The following ACVR1B variants were observed in gnomAD, a reference collection of about 807,000 sequenced individuals.
The protein encoded by ACVR1B is activin receptor type-1B.
Under a neutral mutation model 55.6 loss-of-function variants are expected in ACVR1B, and 15 were observed. That is an observed-to-expected ratio of 0.27 (90% CI 0.18 to 0.42). The LOEUF (loss-of-function observed/expected upper bound fraction) is 0.42. ACVR1B is among the 10% of genes least tolerant of loss of function. The pLI, the probability that ACVR1B is intolerant of heterozygous loss-of-function variation, is 1.00. For missense variants in ACVR1B, 359 were observed against 670.1 expected (o/e 0.54, Z 5.13); for synonymous variants, 247 against 254.6 (o/e 0.97, Z 0.28).
chr12:51,968,352 A>G (rs1326654471), intron 1 of ACVR1B, among the ~76,000 whole-genome samples: 1 of 152,266 alleles, frequency 6.6e-6, no homozygotes, highest in Non-Finnish European at 1.5e-5. Context: ...GTAAAGGTTT[A>G]AAACCAATCT....
chr12:51,988,719 CACATAACTATTTTAGTAA>C (rs1248537315), intron 7 of ACVR1B, among the ~76,000 whole-genome samples: 2 of 152,166 alleles, frequency 1.3e-5, no homozygotes, highest in Non-Finnish European at 2.9e-5. Context: ...TGTCTAAGGT[CACATAACTATTTTAGTAA>C]ACAAGGGTTC....
At chr12:51,974,169 C>T (rs1472454149) in intron 1 of ACVR1B, among the ~76,000 whole-genome samples, 1 of 152,118 alleles carries the variant, frequency 6.6e-6, no homozygotes, top group Non-Finnish European at 1.5e-5. Flanking sequence ...CCACCACCTC[C>T]ACCCGCCAAT....
intron 1 of ACVR1B, among the ~76,000 whole-genome samples, chr12:51,967,412 A>T (rs1319051413): frequency 1.3e-5 from 2 of 151,560 alleles, no homozygotes; most frequent in African/African-American, 4.9e-5. Context: ...TACAAAAATT[A>T]GTTGGGTGTG....
At chr12:51,986,714 G>A in intron 6 of ACVR1B, 104 bp from the exon 7 acceptor site, 1 of 1,471,868 alleles carries the variant, frequency 6.8e-7, no homozygotes, top group Non-Finnish European at 9.1e-7. Flanking sequence ...GACTTTATCA[G>A]GGTGATACTC....
chr12:51,959,271 CAG>C (rs1941470253), intron 1 of ACVR1B, among the ~76,000 whole-genome samples: 1 of 152,186 alleles, frequency 6.6e-6, no homozygotes, highest in Non-Finnish European at 1.5e-5. Context: ...CCTTTCAAAG[CAG>C]AGAGATTTCT....
At position 51,977,272 on chromosome 12, in the gene ACVR1B, C is replaced by T. The variant is rs1396621556; in HGVS notation, c.580+697C>T. Among the ~76,000 whole-genome samples, 4 of 152,172 alleles carry T rather than the reference C, an allele frequency of 2.6e-5. No individual in the cohort carries two copies. The East Asian group carries it at 7.7e-4, about 29-fold the overall frequency. ...TAGCTATTAAATGTGAACATGAATG[C>T]AAAAGAATTTTTTTACTTACTTATT... is the stretch of plus-strand genomic sequence containing the variant. On this transcript the variant is annotated intron_variant, in intron 3 of 8. Transcript: ENST00000257963.
chr12:51,984,077 A>T lies in ACVR1B; in HGVS notation c.890A>T (p.Tyr297Phe), dbSNP rs1942032588. ...TCCCTGTTTGATTATCTGAACCGGTACACAGTGACAATTGAGGGGATGATT... is the reference window on the plus strand; with the variant it reads ...TCCCTGTTTGATTATCTGAACCGGTTCACAGTGACAATTGAGGGGATGATT... Reference protein sequence around the residue: ...HGSLFDYLNRYTVTIEGMIKL... With the variant: ...HGSLFDYLNRFTVTIEGMIKL... The change falls in exon 5 of 9, where the codon TAC becomes TTC. Residue 297 changes from tyrosine to phenylalanine, a missense_variant. Physicochemically the swap from Tyr to Phe is conservative, Grantham distance 22 (BLOSUM62 3). Around this residue, in one of 5 missense-constraint regions of ACVR1B, gnomAD observed 119 missense variants for 340.2 expected, o/e 0.35. Coordinates refer to ENST00000257963, the MANE Select transcript of ACVR1B (RefSeq NM_004302.5). 1 of 1,614,194 alleles carries T rather than the reference A, an allele frequency of 6.2e-7. No individual in the cohort carries two copies. Among genetic ancestry groups the T allele is most frequent in the Non-Finnish European group, 8.5e-7 (1 of 1,180,038 alleles).
intron 1 of ACVR1B, among the ~76,000 whole-genome samples, chr12:51,964,503 T>C (rs1941602483): frequency 6.6e-6 from 1 of 152,252 alleles, no homozygotes; most frequent in Non-Finnish European, 1.5e-5. Context: ...CTTTTGTTGC[T>C]TGTGCTTTGG....
chr12:51,980,168 G>A (rs1179409334), intron 3 of ACVR1B, among the ~76,000 whole-genome samples: 1 of 152,112 alleles, frequency 6.6e-6, no homozygotes, highest in East Asian at 1.9e-4. Context: ...GGTGGTTTGG[G>A]GAAGTGAGAT....
Position 51,985,423 on chromosome 12 carries a change from G to A in ACVR1B, c.1136+75G>A, listed in dbSNP as rs1385233214. On this transcript the variant is annotated intron_variant, in intron 6 of 8. Coordinates refer to ENST00000257963, the MANE Select transcript of ACVR1B (RefSeq NM_004302.5). ...CCCATCTGTGCCGTTTCCCATATGC[G>A]CAGGAGAAGGAGGTGTTGAAAAAGG... 1.3e-5 allele frequency: 19 copies of A among 1,491,958 alleles called. No individual in the cohort carries two copies. In the East Asian group the frequency reaches 3.5e-4, roughly 28 times the overall value. The allele number at this position is 1,491,958 out of a possible 1,614,324, so 92.4% of individuals were successfully genotyped here.
At chr12:51,986,070 A>G (rs2220805) in intron 6 of ACVR1B, among the ~76,000 whole-genome samples, 45,093 of 152,048 alleles carry the variant, frequency 0.3, 7,769 homozygotes, top group Non-Finnish European at 0.39. Context: ...TGACATATCT[A>G]TAGTCAGGTA....
chr12:51,982,730 T>C, intron 4 of ACVR1B: 7 of 1,534,124 alleles, frequency 4.6e-6, no homozygotes, highest in Admixed American at 2.0e-5. Context: ...TGTAATGGTC[T>C]CTGCTGCCCC....
chr12:51,984,539 A>G (rs930646498), intron 5 of ACVR1B, among the ~76,000 whole-genome samples: 9 of 152,238 alleles, frequency 5.9e-5, no homozygotes, highest in African/African-American at 2.2e-4. Context: ...AGTGATTTCC[A>G]TGTTCATTGA....
chr12:51,979,460 C>A (rs1941936337), intron 3 of ACVR1B, among the ~76,000 whole-genome samples: 1 of 89,496 alleles, frequency 1.1e-5, no homozygotes, highest in Admixed American at 1.3e-4. Flanking sequence ...GAGCGAGACA[C>A]CATCTCAAAA....
At chr12:51,986,196 G>A (rs745416876) in intron 6 of ACVR1B, among the ~76,000 whole-genome samples, 4 of 152,138 alleles carry the variant, frequency 2.6e-5, no homozygotes, top group Non-Finnish European at 5.9e-5. Flanking sequence ...CTGCCCCTGT[G>A]ACCCACATTA....
At chr12:51,953,502 G>A (rs1941350765) in intron 1 of ACVR1B, 1 of 984,800 alleles carries the variant, frequency 1.0e-6, no homozygotes, top group Non-Finnish European at 1.2e-6. Flanking sequence ...CATTTGTGGT[G>A]AGATAATGAT....
intron 7 of ACVR1B, among the ~76,000 whole-genome samples, chr12:51,989,398 C>T (rs1942144876): frequency 6.6e-6 from 1 of 152,056 alleles, no homozygotes; most frequent in African/African-American, 2.4e-5. Context: ...CAGTCTCCTG[C>T]CTCAGCCTCC....
chr12:51,989,581 G>A (rs1035724461), intron 7 of ACVR1B, among the ~76,000 whole-genome samples: 4 of 152,084 alleles, frequency 2.6e-5, no homozygotes, highest in Admixed American at 2.6e-4. Context: ...CACTGTGCCT[G>A]GCCTAAATTG....
chr12:51,995,369 G>A lies in ACVR1B; in HGVS notation c.*1259G>A, dbSNP rs1942279900. 6.6e-6 allele frequency: 1 copy of A among 152,348 alleles called. No homozygotes were observed. The highest frequency in any genetic ancestry group is 2.4e-5 in the African/African-American group (1 of 41,432). 9.4% of individuals were successfully genotyped at this position (152,348 alleles called of 1,614,324 possible). A position where few individuals can be genotyped will look rare whatever the true frequency, so the allele number is the denominator to read the frequency against. ...TTTACTGGACTGTCTGATCAGGGTG[G>A]AGGGAAGGTGAGAGGTTTGCATCCA... On this transcript the variant is annotated 3_prime_UTR_variant, in exon 9 of 9. Coordinates refer to ENST00000257963, the MANE Select transcript of ACVR1B (RefSeq NM_004302.5).
Sources: allele counts gnomAD v4.1 joint callset (sites outside exome capture counted in the v4.1 genomes callset), GRCh38; gene constraint gnomAD v4.1.1; regional missense constraint gnomAD v4.1.1; transcripts MANE v1.5; gene names NCBI Gene and HGNC (gene_info 2026-07-23, HGNC 2026-07-21).